The following SNTB1 variants were observed in gnomAD, a reference collection of about 807,000 sequenced individuals.
SNTB1 encodes syntrophin beta 1, also known as beta-1-syntrophin.
SNTB1 carries 36 observed loss-of-function variants against 48.9 expected under a neutral mutation model. The observed-to-expected ratio is 0.74, with a 90% CI of 0.56 to 0.97. The LOEUF (loss-of-function observed/expected upper bound fraction) is 0.97. Ranked by LOEUF, SNTB1 falls within the 50% of genes least tolerant of loss-of-function variation. The pLI is 0.00. For synonymous variants in SNTB1, 299 were observed against 294.6 expected, an observed-to-expected ratio of 1.01 and a Z score of -0.15; for missense variants, 786 against 703.4, an observed-to-expected ratio of 1.12 and a Z score of -1.33.
At chr8:120,567,829 C>T (rs964225214) in intron 4 of SNTB1, among the ~76,000 whole-genome samples, 1 of 152,056 alleles carries the variant, frequency 6.6e-6, no homozygotes, top group South Asian at 2.1e-4. Context: ...GTAAAAATTA[C>T]ACCATACCTT....
chr8:120,804,539 T>C (rs1286614415), intron 1 of SNTB1, among the ~76,000 whole-genome samples: 1 of 152,124 alleles, frequency 6.6e-6, no homozygotes, highest in Non-Finnish European at 1.5e-5. Flanking sequence ...TGTTAGATCA[T>C]CTGATTTCCA....
chr8:120,551,417 T>G (rs950585232), intron 4 of SNTB1, among the ~76,000 whole-genome samples: 3 of 152,086 alleles, frequency 2.0e-5, no homozygotes, highest in African/African-American at 7.2e-5. Flanking sequence ...CATGTTAAAC[T>G]GAAAAAGGAC....
At chr8:120,705,938 C>A (rs936701064) in intron 1 of SNTB1, among the ~76,000 whole-genome samples, 1 of 152,138 alleles carries the variant, frequency 6.6e-6, no homozygotes, top group Non-Finnish European at 1.5e-5. Context: ...AGAGTCAGAG[C>A]ATCTGGGTTG....
chr8:120,751,451 T>A (rs542013325), intron 1 of SNTB1, among the ~76,000 whole-genome samples: 1 of 151,512 alleles, frequency 6.6e-6, no homozygotes, highest in East Asian at 1.9e-4. Context: ...CAAATAGCCA[T>A]ACGAATTAAA....
intron 1 of SNTB1, among the ~76,000 whole-genome samples, chr8:120,749,088 G>T (rs80102318): frequency 6.6e-6 from 1 of 152,098 alleles, no homozygotes; most frequent in East Asian, 1.9e-4. Flanking sequence ...TATAACAGTG[G>T]TTATAATAAT....
intron 1 of SNTB1, among the ~76,000 whole-genome samples, chr8:120,765,045 G>A (rs1819495993): frequency 6.6e-6 from 1 of 152,078 alleles, no homozygotes; most frequent in South Asian, 2.1e-4. Context: ...GACCAACAAG[G>A]TGAAACCCCA....
chr8:120,597,250 T>C (rs1038097861), intron 3 of SNTB1, among the ~76,000 whole-genome samples: 11 of 152,252 alleles, frequency 7.2e-5, no homozygotes, highest in African/African-American at 2.7e-4. Flanking sequence ...AGAGGGCACG[T>C]GGCCCTACCA....
chr8:120,649,845 C>T (rs1396625822), intron 2 of SNTB1, among the ~76,000 whole-genome samples: 1 of 151,992 alleles, frequency 6.6e-6, no homozygotes. Flanking sequence ...ACCCTCTGAG[C>T]CAGGTGTGGG....
chr8:120,581,875 A>C (rs572616420), intron 3 of SNTB1, among the ~76,000 whole-genome samples: 1 of 152,160 alleles, frequency 6.6e-6, no homozygotes, highest in South Asian at 2.1e-4. Context: ...ATCTCTAGTA[A>C]AAATATAAAA....
chr8:120,588,531 ATT>A (rs35337577), intron 3 of SNTB1, among the ~76,000 whole-genome samples: 32,355 of 150,808 alleles, frequency 0.21, 3,554 homozygotes, highest in South Asian at 0.26. Context: ...GGGAATAGCC[ATT>A]TTTTTTTTTT....
At chr8:120,687,871 CTTAGAG>C (rs1818058882) in intron 2 of SNTB1, among the ~76,000 whole-genome samples, 1 of 152,186 alleles carries the variant, frequency 6.6e-6, no homozygotes, top group African/African-American at 2.4e-5. Context: ...GAGTCAACCC[CTTAGAG>C]ATGGATCTGC....
At chr8:120,677,728 C>T (rs1817861499) in intron 2 of SNTB1, among the ~76,000 whole-genome samples, 1 of 151,970 alleles carries the variant, frequency 6.6e-6, no homozygotes, top group South Asian at 2.1e-4. Flanking sequence ...CATAGAGATA[C>T]TATCATCCTC....
At chr8:120,655,249 T>G (rs1817480562) in intron 2 of SNTB1, among the ~76,000 whole-genome samples, 2 of 152,334 alleles carry the variant, frequency 1.3e-5, no homozygotes, top group South Asian at 4.1e-4. Flanking sequence ...AAAGAAGTAT[T>G]CTTATGTGAA....
At chr8:120,693,338 G>T (rs6985758) in intron 2 of SNTB1, among the ~76,000 whole-genome samples, 1 of 152,014 alleles carries the variant, frequency 6.6e-6, no homozygotes, top group African/African-American at 2.4e-5. Flanking sequence ...AACCAAACAA[G>T]GCATCTATTT....
chr8:120,648,570 C>T (rs1194199455), intron 2 of SNTB1, among the ~76,000 whole-genome samples: 1 of 151,946 alleles, frequency 6.6e-6, no homozygotes, highest in Admixed American at 6.6e-5. Flanking sequence ...TTGAGGGTAA[C>T]CCGACCTTTC....
intron 1 of SNTB1, among the ~76,000 whole-genome samples, chr8:120,712,626 C>T (rs181548296): frequency 1.8e-4 from 27 of 152,202 alleles, no homozygotes; most frequent in African/African-American, 6.0e-4. Context: ...GAAAATGTCA[C>T]ATTGTAAGCC....
Position 120,607,540 on chromosome 8 carries a change from A to C in SNTB1, c.996+24904T>G, listed in dbSNP as rs1383174350. Among the ~76,000 whole-genome samples the C allele has an allele frequency of 2.0e-5, 3 of 152,222 alleles. No individual in the cohort carries two copies. The East Asian group carries it at 5.8e-4, about 29-fold the overall frequency. On this transcript the variant is annotated intron_variant, in intron 3 of 6. Transcript: ENST00000517992. The stretch of plus-strand genomic sequence containing the variant: ...CATTTAACATTAGGTATATCTTCTA[A>C]TGTTAAATGGCCATTTAACTTTTCA...
chr8:120,599,657 A>C (rs1396697100), intron 3 of SNTB1, among the ~76,000 whole-genome samples: 5 of 152,222 alleles, frequency 3.3e-5, no homozygotes, highest in Non-Finnish European at 5.9e-5. Flanking sequence ...TGAACCCTGA[A>C]ATCTATAATT....
intron 2 of SNTB1, among the ~76,000 whole-genome samples, chr8:120,640,039 C>T (rs1354744568): frequency 6.6e-6 from 1 of 151,574 alleles, no homozygotes; most frequent in African/African-American, 2.4e-5. Flanking sequence ...TTGTTTGTAT[C>T]CTCTTTTATT....
Sources: allele counts gnomAD v4.1 joint callset (sites outside exome capture counted in the v4.1 genomes callset), GRCh38; gene constraint gnomAD v4.1.1; transcripts MANE v1.5; gene names NCBI Gene and HGNC (gene_info 2026-07-23, HGNC 2026-07-21).